The following TMEFF1 variants were observed in gnomAD, a reference collection of about 807,000 sequenced individuals.
TMEFF1 encodes tomoregulin-1.
Under a neutral mutation model 47.5 loss-of-function variants are expected in TMEFF1, and 20 were observed. That is an observed-to-expected ratio of 0.42 (90% CI 0.30 to 0.61). The LOEUF (loss-of-function observed/expected upper bound fraction) is 0.61. Among genes scored for constraint, TMEFF1 ranks in the 20% least tolerant of loss-of-function variants. TMEFF1 has a pLI of 0.19. For missense variants in TMEFF1, 411 were observed against 471.1 expected (o/e 0.87, Z 1.18); for synonymous variants, 162 against 166.3 (o/e 0.97, Z 0.20).
chr9:100,527,243 A>G (rs1162212967), intron 5 of TMEFF1, among the ~76,000 whole-genome samples: 1 of 152,150 alleles, frequency 6.6e-6, no homozygotes, highest in Non-Finnish European at 1.5e-5. Flanking sequence ...AGGAGCCAAG[A>G]TGGCCGAATA....
Position 100,576,659 on chromosome 9 carries a change from A to G in TMEFF1, c.*59A>G. 6.5e-7 allele frequency: 1 copy of G among 1,545,318 alleles called. No homozygotes were observed. The highest frequency in any genetic ancestry group is 1.4e-5 in the African/African-American group (1 of 72,000). On this transcript the variant is annotated 3_prime_UTR_variant, in exon 10 of 10. Coordinates refer to ENST00000374879, the MANE Select transcript of TMEFF1 (RefSeq NM_003692.5). ...ATGTACATTTATTATGTCTTTTTTT[A>G]AAGAATGGAAATATTTATTTCAGAG...
Position 100,501,246 on chromosome 9 carries a change from C to G in TMEFF1, c.306+2372C>G, listed in dbSNP as rs528387642. Among the ~76,000 whole-genome samples, 7 of 152,298 alleles carry G rather than the reference C, an allele frequency of 4.6e-5. No homozygotes were observed. In the South Asian group the frequency reaches 1.5e-3, roughly 32 times the overall value. ...TGGAATTGTTGGGCCAGTGGATACT[C>G]ATGTGCAGATTAACATTATCACCAA... On this transcript the variant is annotated intron_variant, in intron 2 of 9. Transcript: ENST00000374879.
At chr9:100,499,143 C>T (rs767759411) in intron 2 of TMEFF1, among the ~76,000 whole-genome samples, 15 of 152,148 alleles carry the variant, frequency 9.9e-5, no homozygotes, top group African/African-American at 3.6e-4. Context: ...ATAATTGTCA[C>T]TGAAAGGAAA....
At chr9:100,483,057 GTTTC>G (rs1038614323) in intron 1 of TMEFF1, among the ~76,000 whole-genome samples, 45 of 151,766 alleles carry the variant, frequency 3.0e-4, no homozygotes, top group African/African-American at 1.1e-3. Flanking sequence ...AGATCATTAT[GTTTC>G]TTTAACTCCA....
intron 2 of TMEFF1, among the ~76,000 whole-genome samples, chr9:100,502,024 G>A (rs1240034406): frequency 6.6e-6 from 1 of 152,136 alleles, no homozygotes; most frequent in Non-Finnish European, 1.5e-5. Context: ...AGCAAAAAAA[G>A]CTTCCACTCC....
intron 6 of TMEFF1, among the ~76,000 whole-genome samples, chr9:100,549,128 G>C (rs1838788074): frequency 6.6e-6 from 1 of 152,130 alleles, no homozygotes; most frequent in South Asian, 2.1e-4. Context: ...AATTTATAAA[G>C]AAAAGAGGTA....
chr9:100,506,689 C>T (rs1837869495), intron 2 of TMEFF1, among the ~76,000 whole-genome samples: 1 of 150,794 alleles, frequency 6.6e-6, no homozygotes, highest in Non-Finnish European at 1.5e-5. Flanking sequence ...ATGGCATGAA[C>T]CCAGGAGGTG....
At chr9:100,494,666 G>A (rs537319243) in intron 1 of TMEFF1, among the ~76,000 whole-genome samples, 2 of 152,290 alleles carry the variant, frequency 1.3e-5, no homozygotes, top group Admixed American at 6.5e-5. Flanking sequence ...AACACAGAGC[G>A]AGGGAGGCCA....
intron 8 of TMEFF1, among the ~76,000 whole-genome samples, chr9:100,569,475 A>G (rs1362976525): frequency 1.3e-5 from 2 of 151,390 alleles, no homozygotes; most frequent in African/African-American, 4.9e-5. Context: ...TTTTTTTTCC[A>G]TTTTGTGGCT....
chr9:100,559,149 G>A (rs1838968823), intron 7 of TMEFF1, among the ~76,000 whole-genome samples: 1 of 152,140 alleles, frequency 6.6e-6, no homozygotes. Flanking sequence ...TTATGGTAGA[G>A]GCTGACTTAA....
intron 5 of TMEFF1, among the ~76,000 whole-genome samples, chr9:100,539,437 G>A (rs1213220626): frequency 6.6e-6 from 1 of 152,166 alleles, no homozygotes; most frequent in Non-Finnish European, 1.5e-5. Flanking sequence ...TGTTCCTTCA[G>A]ATGTTCAGCT....
chr9:100,565,941 C>A (rs1226647851), intron 8 of TMEFF1, among the ~76,000 whole-genome samples: 3 of 152,128 alleles, frequency 2.0e-5, no homozygotes, highest in Non-Finnish European at 1.5e-5. Context: ...CTCTTGAACT[C>A]ACCCCAACAA....
intron 8 of TMEFF1, among the ~76,000 whole-genome samples, chr9:100,566,830 G>A (rs1346700904): frequency 6.6e-6 from 1 of 151,908 alleles, no homozygotes; most frequent in Non-Finnish European, 1.5e-5. Flanking sequence ...TCAGCCTCCT[G>A]AATAGCTGGG....
intron 1 of TMEFF1, among the ~76,000 whole-genome samples, chr9:100,481,674 G>C (rs1047531987): frequency 6.6e-6 from 1 of 152,200 alleles, no homozygotes; most frequent in Non-Finnish European, 1.5e-5. Context: ...AATGGAGAAG[G>C]GAAGAGCCTG....
chr9:100,569,341 A>G (rs972525115), intron 8 of TMEFF1, among the ~76,000 whole-genome samples: 7 of 152,090 alleles, frequency 4.6e-5, no homozygotes, highest in Non-Finnish European at 7.4e-5. Context: ...GGCTATTTGT[A>G]TATCTTCTCT....
intron 5 of TMEFF1, among the ~76,000 whole-genome samples, chr9:100,532,129 G>C (rs1424933342): frequency 2.6e-5 from 4 of 151,874 alleles, no homozygotes; most frequent in African/African-American, 7.3e-5. Flanking sequence ...ACCTAAAACC[G>C]TAAAAACCCT....
chr9:100,519,116 T>G (rs1315801207), intron 5 of TMEFF1, among the ~76,000 whole-genome samples: 1 of 152,212 alleles, frequency 6.6e-6, no homozygotes, highest in East Asian at 1.9e-4. Flanking sequence ...AGGTAGGATC[T>G]TAATATTTAT....
intron 5 of TMEFF1, among the ~76,000 whole-genome samples, chr9:100,522,288 A>G (rs895199308): frequency 9.2e-5 from 14 of 152,306 alleles, no homozygotes; most frequent in Middle Eastern, 3.4e-3. Context: ...AGGTTTAGTA[A>G]GTCCCTACTG....
intron 1 of TMEFF1, among the ~76,000 whole-genome samples, chr9:100,484,696 CTT>C (rs762790286): frequency 2.9e-4 from 40 of 138,504 alleles, no homozygotes; most frequent in Admixed American, 5.9e-4. Flanking sequence ...CACTGACGTA[CTT>C]TTTTTTTTTT....
Sources: gnomAD v4.1 joint callset for allele counts (sites outside exome capture counted in the v4.1 genomes callset) on GRCh38, gnomAD v4.1.1 for gene constraint, MANE v1.5 for transcripts, NCBI Gene and HGNC (gene_info 2026-07-23, HGNC 2026-07-21) for gene names.